Variants in CDH12 observed in about 807,000 individuals in gnomAD.
CDH12 encodes the protein cadherin-12.
CDH12 carries 41 observed loss-of-function variants against 74.1 expected under a neutral mutation model. That is an observed-to-expected ratio of 0.55 (90% CI 0.43 to 0.72). CDH12 has a LOEUF of 0.72. Among genes scored for constraint, CDH12 ranks in the 30% least tolerant of loss-of-function variants. The probability of loss-of-function intolerance (pLI) is 0.00; values close to 1 mark genes in which losing one functional copy is unlikely to be tolerated. For synonymous variants in CDH12, 399 were observed against 355.0 expected (o/e 1.12, Z -1.39); for missense variants, 945 against 977.2 (o/e 0.97, Z 0.44).
At chr5:22,721,891 C>T (rs1743915434) in intron 1 of CDH12, among the ~76,000 whole-genome samples, 1 of 152,120 alleles carries the variant, frequency 6.6e-6, no homozygotes, top group Admixed American at 6.6e-5. Flanking sequence ...TTCTCCTTCT[C>T]CTTCTGCCAT....
chr5:21,756,908 A>C (rs1287455350), intron 13 of CDH12, among the ~76,000 whole-genome samples: 1 of 152,230 alleles, frequency 6.6e-6, no homozygotes, highest in Non-Finnish European at 1.5e-5. Context: ...GGAAGCACCA[A>C]GACGAGAAAA....
At chr5:22,775,849 G>C (rs1747065511) in intron 1 of CDH12, among the ~76,000 whole-genome samples, 1 of 152,124 alleles carries the variant, frequency 6.6e-6, no homozygotes, top group African/African-American at 2.4e-5. Context: ...TTGTGGGAGG[G>C]ACCCAGGGGG....
At chr5:22,327,679 C>T (rs955536469) in intron 3 of CDH12, among the ~76,000 whole-genome samples, 3 of 152,288 alleles carry the variant, frequency 2.0e-5, no homozygotes, top group South Asian at 2.1e-4. Context: ...TCCATTACCT[C>T]CCAAGTTCTA....
At chr5:22,255,192 G>A (rs944974968) in intron 3 of CDH12, among the ~76,000 whole-genome samples, 1 of 151,578 alleles carries the variant, frequency 6.6e-6, no homozygotes, top group Non-Finnish European at 1.5e-5. Flanking sequence ...CATTAGCTAG[G>A]TCTAAAGGGA....
At chr5:21,931,540 AT>A (rs1754836749) in intron 6 of CDH12, among the ~76,000 whole-genome samples, 1 of 152,182 alleles carries the variant, frequency 6.6e-6, no homozygotes, top group South Asian at 2.1e-4. Flanking sequence ...AAAATGTCAC[AT>A]GTTTTTTCAA....
intron 3 of CDH12, among the ~76,000 whole-genome samples, chr5:22,403,250 G>A (rs1374899471): frequency 2.6e-5 from 4 of 152,076 alleles, no homozygotes; most frequent in African/African-American, 9.7e-5. Context: ...GGCAATCCTA[G>A]GAAACTGATA....
At chr5:21,755,940 C>T (rs1744371892) in intron 13 of CDH12, 98 bp from the exon 14 acceptor site, 1 of 1,107,194 alleles carries the variant, frequency 9.0e-7, no homozygotes, top group Non-Finnish European at 1.3e-6. Flanking sequence ...CTTCTTGAAT[C>T]AGGAAAATGG....
At chr5:22,536,728 A>AGT (rs1056578741) in intron 1 of CDH12, among the ~76,000 whole-genome samples, 1 of 152,204 alleles carries the variant, frequency 6.6e-6, no homozygotes, top group Non-Finnish European at 1.5e-5. Flanking sequence ...CCCCTAAACT[A>AGT]GTGGTGAACA....
chr5:22,201,172 T>C lies in CDH12; in HGVS notation c.-187+11326A>G, dbSNP rs201547660. ...TGAGATTAGGAAAAAGCAGATATGA[T>C]GCAGCATCCAAACCTCACATTGAAA... On this transcript the variant is annotated intron_variant, in intron 4 of 14. Transcript: ENST00000382254. Among the ~76,000 whole-genome samples the C allele has an allele frequency of 2.6e-5, 4 of 152,296 alleles. No individual in the cohort carries two copies. The East Asian group carries it at 7.7e-4, about 29-fold the overall frequency.
At chr5:21,952,634 T>A (rs1419190973) in intron 6 of CDH12, among the ~76,000 whole-genome samples, 1 of 152,204 alleles carries the variant, frequency 6.6e-6, no homozygotes, top group Non-Finnish European at 1.5e-5. Context: ...GAAAACATGC[T>A]GTGAGATGGG....
intron 1 of CDH12, among the ~76,000 whole-genome samples, chr5:22,626,119 G>A (rs893619891): frequency 6.6e-6 from 1 of 152,058 alleles, no homozygotes; most frequent in Non-Finnish European, 1.5e-5. Flanking sequence ...ACAAGTGCAT[G>A]CATACATGTT....
rs906599427 is a variant in CDH12, at chr5:22,144,686, T to C, written c.-186-65824A>G. ...CTGGTAAGAATCTTATAAGCATTTC[T>C]TACCATCTTGTTATAAACCAAAAAT... On this transcript the variant is annotated intron_variant, in intron 4 of 14. Transcript: ENST00000382254. 9.9e-5 allele frequency among the ~76,000 whole-genome samples: 15 copies of C among 152,102 alleles called. 1 individual carries two copies. The highest frequency in any genetic ancestry group is 2.7e-4 in the African/African-American group (11 of 41,456).
chr5:22,639,510 CA>C (rs1739030703), intron 1 of CDH12, among the ~76,000 whole-genome samples: 3 of 150,020 alleles, frequency 2.0e-5, no homozygotes, highest in Non-Finnish European at 4.4e-5. Context: ...TGACACTGAC[CA>C]CAGCCAACAT....
At chr5:22,805,597 T>C (rs1372719314) in intron 1 of CDH12, among the ~76,000 whole-genome samples, 2 of 152,172 alleles carry the variant, frequency 1.3e-5, no homozygotes, top group African/African-American at 4.8e-5. Flanking sequence ...GTAAAGTTAA[T>C]ATATTTCATA....
intron 3 of CDH12, among the ~76,000 whole-genome samples, chr5:22,260,537 G>C (rs182163682): frequency 1.2e-4 from 19 of 152,120 alleles, no homozygotes; most frequent in Non-Finnish European, 2.4e-4. Context: ...TCTGAGAAGA[G>C]ATACATGGAA....
chr5:21,979,877 G>C (rs1369390327), intron 5 of CDH12, among the ~76,000 whole-genome samples: 2 of 151,518 alleles, frequency 1.3e-5, no homozygotes, highest in African/African-American at 2.4e-5. Flanking sequence ...CTTCCACAAT[G>C]GTTGAACTAG....
chr5:22,276,481 T>A (rs890161510), intron 3 of CDH12, among the ~76,000 whole-genome samples: 4 of 152,206 alleles, frequency 2.6e-5, no homozygotes, highest in African/African-American at 9.6e-5. Flanking sequence ...CAATAGCATG[T>A]CTACTTTTAA....
intron 6 of CDH12, among the ~76,000 whole-genome samples, chr5:21,948,134 G>A (rs2150097440): frequency 6.6e-6 from 1 of 152,334 alleles, no homozygotes. Context: ...CTCTGCTAGG[G>A]TAGTGCAGAA....
rs559756042 is a variant in CDH12 at position 22,106,143 on chromosome 5, G to C, written c.-186-27281C>G. On this transcript the variant is annotated intron_variant, in intron 4 of 14. Coordinates refer to ENST00000382254, the MANE Select transcript of CDH12 (RefSeq NM_004061.5). ...GGTTCTACTTGAGGGTGGAGGGTGGGAGGAGGGAGAGGAGCAGGAAAGGTA... is the reference window on the plus strand; with the variant it reads ...GGTTCTACTTGAGGGTGGAGGGTGGCAGGAGGGAGAGGAGCAGGAAAGGTA... Among the ~76,000 whole-genome samples, 4 of 152,214 alleles carry C rather than the reference G, an allele frequency of 2.6e-5. No individual in the cohort carries two copies. In the East Asian group the frequency reaches 5.8e-4, roughly 22 times the overall value.
Sources: allele counts gnomAD v4.1 joint callset (sites outside exome capture counted in the v4.1 genomes callset), GRCh38; gene constraint gnomAD v4.1.1; transcripts MANE v1.5; gene names NCBI Gene and HGNC (gene_info 2026-07-23, HGNC 2026-07-21).